WWOX: variants seen among roughly 807,000 people sequenced by gnomAD.
WWOX encodes the protein WW domain containing oxidoreductase.
A neutral mutation model predicts 46.2 loss-of-function variants in WWOX; 69 were observed. The ratio of observed to expected loss-of-function variants is 1.49; its 90% confidence interval spans 1.23 to 1.82. The LOEUF is 1.82. WWOX is among the 40% of genes most tolerant of loss of function. WWOX has a pLI of 0.00. For missense variants in WWOX, 919 were observed against 542.6 expected, an observed-to-expected ratio of 1.69 and a Z score of -6.89; for synonymous variants, 359 against 202.6, an observed-to-expected ratio of 1.77 and a Z score of -6.56.
intron 8 of WWOX, among the ~76,000 whole-genome samples, chr16:78,585,028 A>C (rs1043079481): frequency 6.6e-6 from 1 of 152,198 alleles, no homozygotes; most frequent in African/African-American, 2.4e-5. Flanking sequence ...CTAATTCCCT[A>C]TTCAGCTGAG....
intron 8 of WWOX, among the ~76,000 whole-genome samples, chr16:78,764,185 T>C (rs1173890087): frequency 1.3e-5 from 2 of 152,156 alleles, no homozygotes; most frequent in African/African-American, 4.8e-5. Context: ...GGGTGCCATA[T>C]TGTTCTCAGT....
chr16:78,683,975 C>T (rs567869803), intron 8 of WWOX, among the ~76,000 whole-genome samples: 1 of 152,330 alleles, frequency 6.6e-6, no homozygotes, highest in Non-Finnish European at 1.5e-5. Flanking sequence ...TTGCGATCCC[C>T]TCCTGCACAA....
intron 8 of WWOX, among the ~76,000 whole-genome samples, chr16:79,048,568 G>A (rs567549089): frequency 2.8e-4 from 42 of 152,022 alleles, no homozygotes; most frequent in Admixed American, 8.5e-4. Flanking sequence ...ATGCACAGTG[G>A]GCCATCCTAA....
intron 5 of WWOX, among the ~76,000 whole-genome samples, chr16:78,183,611 T>C (rs894177711): frequency 6.6e-6 from 1 of 152,154 alleles, no homozygotes; most frequent in Non-Finnish European, 1.5e-5. Flanking sequence ...TTAAATGAGA[T>C]AACAGTGCCT....
intron 8 of WWOX, among the ~76,000 whole-genome samples, chr16:78,781,586 C>T (rs1293314371): frequency 6.6e-6 from 1 of 152,160 alleles, no homozygotes; most frequent in Non-Finnish European, 1.5e-5. Context: ...TATCTATCCC[C>T]CACCCCCACT....
Position 79,013,178 on chromosome 16 carries a change from G to A in WWOX, c.1057-198430G>A, listed in dbSNP as rs373322757. ...TGAAAGCTGCCACTTGCCGCCCACC[G>A]CACAGCCCCAGGGCTTTAGCTCACT... On this transcript the variant is annotated intron_variant, in intron 8 of 8. Coordinates refer to ENST00000566780, the MANE Select transcript of WWOX (RefSeq NM_016373.4). Among the ~76,000 whole-genome samples the A allele has an allele frequency of 3.9e-5, 6 of 152,304 alleles. No individual in the cohort carries two copies. The South Asian group carries it at 1.2e-3, about 32-fold the overall frequency.
At chr16:78,900,537 C>T (rs1032453256) in intron 8 of WWOX, among the ~76,000 whole-genome samples, 1 of 152,176 alleles carries the variant, frequency 6.6e-6, no homozygotes, top group Non-Finnish European at 1.5e-5. Context: ...ATTTTCTAAG[C>T]AGAGGTTCCA....
intron 8 of WWOX, among the ~76,000 whole-genome samples, chr16:79,193,589 G>T (rs2051179855): frequency 6.6e-6 from 1 of 152,154 alleles, no homozygotes; most frequent in Non-Finnish European, 1.5e-5. Context: ...TGGTCTCTGT[G>T]GATAAAGTAA....
intron 8 of WWOX, among the ~76,000 whole-genome samples, chr16:78,621,006 T>G (rs1035992703): frequency 3.3e-5 from 5 of 152,196 alleles, no homozygotes; most frequent in African/African-American, 4.8e-5. Flanking sequence ...ATAATCCAAC[T>G]CAAAGGCTGT....
intron 8 of WWOX, among the ~76,000 whole-genome samples, chr16:78,770,374 A>C (rs990761234): frequency 6.6e-6 from 1 of 152,068 alleles, no homozygotes; most frequent in Non-Finnish European, 1.5e-5. Flanking sequence ...ATTTAACTCT[A>C]AAGAATCCAA....
At chr16:78,942,255 T>G (rs746852833) in intron 8 of WWOX, among the ~76,000 whole-genome samples, 5 of 152,136 alleles carry the variant, frequency 3.3e-5, no homozygotes, top group African/African-American at 4.8e-5. Flanking sequence ...CTTAAATAAT[T>G]CTAGTTGTTC....
intron 5 of WWOX, among the ~76,000 whole-genome samples, chr16:78,313,029 C>T (rs548221129): frequency 1.2e-4 from 19 of 152,278 alleles, no homozygotes; most frequent in Non-Finnish European, 2.8e-4. Context: ...AGATTTGTGT[C>T]CTACTAACAC....
rs146047926 is a variant in WWOX at position 78,611,234 on chromosome 16, T to C, written c.1056+178482T>C. 3.3e-3 allele frequency among the ~76,000 whole-genome samples: 501 copies of C among 152,194 alleles called. 4 individuals are homozygous for C. Among genetic ancestry groups the C allele is most frequent in the African/African-American group, 0.011 (475 of 41,472 alleles). ...TTGCTACGTTCATTTCGTGAGACTTTTGGTGAAAGACATCTCCTTCTCATA... is the reference window on the plus strand; with the variant it reads ...TTGCTACGTTCATTTCGTGAGACTTCTGGTGAAAGACATCTCCTTCTCATA... On this transcript the variant is annotated intron_variant, in intron 8 of 8. Coordinates refer to ENST00000566780, the MANE Select transcript of WWOX (RefSeq NM_016373.4).
chr16:79,133,616 G>T (rs2049925300), intron 8 of WWOX, among the ~76,000 whole-genome samples: 1 of 152,066 alleles, frequency 6.6e-6, no homozygotes, highest in Non-Finnish European at 1.5e-5. Context: ...TGTAGAATGT[G>T]GCCTTATAAA....
At chr16:78,883,647 C>G (rs2044389828) in intron 8 of WWOX, among the ~76,000 whole-genome samples, 2 of 151,866 alleles carry the variant, frequency 1.3e-5, no homozygotes, top group Non-Finnish European at 2.9e-5. Flanking sequence ...TTGCTTGAAT[C>G]CAGGAGATGG....
chr16:78,214,050 C>T (rs1482019705), intron 5 of WWOX, among the ~76,000 whole-genome samples: 2 of 152,158 alleles, frequency 1.3e-5, no homozygotes, highest in African/African-American at 2.4e-5. Context: ...GGCAGGGGCA[C>T]CTGGCCCATC....
rs144124107 is a variant in WWOX at position 79,116,869 on chromosome 16, C to T, written c.1057-94739C>T. 6.1e-4 allele frequency among the ~76,000 whole-genome samples: 92 copies of T among 152,012 alleles called. 1 individual carries two copies. The highest frequency in any genetic ancestry group is 2.2e-3 in the African/African-American group (91 of 41,454). On this transcript the variant is annotated intron_variant, in intron 8 of 8. Transcript: ENST00000566780. ...TCAGAAGAATACAGTATCTGTGGCA[C>T]CTGTAGGCTTCTAAAATGTATTTCT...
At chr16:78,843,528 T>A (rs988334577) in intron 8 of WWOX, among the ~76,000 whole-genome samples, 1 of 150,094 alleles carries the variant, frequency 6.7e-6, no homozygotes, top group South Asian at 2.2e-4. Flanking sequence ...TGACATGTTT[T>A]GACTCTTTGA....
At chr16:78,383,124 C>G (rs555630770) in intron 5 of WWOX, among the ~76,000 whole-genome samples, 102 of 151,304 alleles carry the variant, frequency 6.7e-4, no homozygotes, top group East Asian at 5.9e-4. Context: ...GCCCCATGAT[C>G]CAATCACCTC....
Sources: gnomAD v4.1 joint callset for allele counts (sites outside exome capture counted in the v4.1 genomes callset) on GRCh38, gnomAD v4.1.1 for gene constraint, MANE v1.5 for transcripts, NCBI Gene and HGNC (gene_info 2026-07-23, HGNC 2026-07-21) for gene names.